Variants in TMC5 observed in about 807,000 individuals in gnomAD.
The protein encoded by TMC5 is transmembrane channel-like protein 5.
Under a neutral mutation model 110.5 loss-of-function variants are expected in TMC5, and 86 were observed. The ratio of observed to expected loss-of-function variants is 0.78; its 90% CI spans 0.65 to 0.93. The LOEUF (loss-of-function observed/expected upper bound fraction) is 0.93. Among genes scored for constraint, TMC5 ranks in the 40% least tolerant of loss-of-function variants. The pLI, the probability that TMC5 is intolerant of heterozygous loss-of-function variation, is 0.00. For synonymous variants in TMC5, 455 were observed against 439.5 expected, an observed-to-expected ratio of 1.04 and a Z score of -0.44; for missense variants, 1,144 against 1,222.8, an observed-to-expected ratio of 0.94 and a Z score of 0.96.
At chr16:19,421,629 G>T (rs1255868975) in intron 1 of TMC5, among the ~76,000 whole-genome samples, 3 of 152,266 alleles carry the variant, frequency 2.0e-5, no homozygotes, top group South Asian at 4.2e-4. Context: ...CTTTAAATTT[G>T]CACCTCAGCT....
At position 19,474,203 on chromosome 16, in the gene TMC5, T is replaced by C. The variant is rs775791900; in HGVS notation, c.2017T>C (p.Cys673Arg). ...VVSCINLAVP[C>R]IYSMFRLVER... ...GTCCTGCATTAATCTGGCCGTGCCA[T>C]GCATCTACTCCATGTTCAGGCTTGT... Residue 673 changes from cysteine (C) to arginine (R), a missense_variant, in exon 12 of 22, where the codon TGC becomes CGC. Coordinates refer to ENST00000542583, the MANE Select transcript of TMC5 (RefSeq NM_001261841.2). 5 of 1,614,108 alleles carry C rather than the reference T, an allele frequency of 3.1e-6. No homozygotes were observed. The highest frequency in any genetic ancestry group is 3.4e-6 in the Non-Finnish European group (4 of 1,180,016).
At chr16:19,437,536 T>C (rs1277923336) in intron 2 of TMC5, among the ~76,000 whole-genome samples, 2 of 152,228 alleles carry the variant, frequency 1.3e-5, no homozygotes, top group Non-Finnish European at 1.5e-5. Context: ...TGGCAGAAAG[T>C]TAATATTATC....
In TMC5 at chr16:19,419,416, T is replaced by G. The variant is rs937044685; in HGVS notation, c.-308+1324T>G. Among the ~76,000 whole-genome samples the G allele has an allele frequency of 2.0e-4, 27 of 132,346 alleles. 1 individual carries two copies. Among genetic ancestry groups the G allele is most frequent in the Non-Finnish European group, 4.0e-4 (25 of 61,768 alleles). The allele number at this position is 132,346 out of a possible 152,430, so 86.8% of individuals were successfully genotyped here. On this transcript the variant is annotated intron_variant, in intron 1 of 21. Coordinates refer to ENST00000542583, the MANE Select transcript of TMC5 (RefSeq NM_001261841.2). ...TGAATGTGTTGGTTTTTTTTTTTTTTTTTTTTTTTTTTTTGAGACAGTGTC... is the reference window on the plus strand; with the variant it reads ...TGAATGTGTTGGTTTTTTTTTTTTTGTTTTTTTTTTTTTTGAGACAGTGTC...
chr16:19,456,128 A>C (rs1396663510), intron 5 of TMC5, among the ~76,000 whole-genome samples: 1 of 151,882 alleles, frequency 6.6e-6, no homozygotes, highest in Non-Finnish European at 1.5e-5. Flanking sequence ...AATGGCGTGA[A>C]CCTGGGAGGT....
chr16:19,424,738 G>T (rs1315631794), intron 1 of TMC5, among the ~76,000 whole-genome samples: 2 of 152,230 alleles, frequency 1.3e-5, no homozygotes, highest in African/African-American at 2.4e-5. Flanking sequence ...AAGTTCAGGA[G>T]CTTCTGTCCC....
In TMC5 at chr16:19,487,315, C is replaced by A; in HGVS notation, c.2562C>A (p.Ile854=). 2 of 1,613,526 alleles carry A rather than the reference C, an allele frequency of 1.2e-6. No individual in the cohort carries two copies. Among genetic ancestry groups the A allele is most frequent in the Non-Finnish European group, 1.7e-6 (2 of 1,179,750 alleles). ...SFTGVLCTLA[I]TIWRLKPSAD... is the part of the protein sequence containing the mutation. Reference sequence around the variant, plus strand: ...CCGGGGTCTTGTGCACCCTGGCCATCACCATCTGGAGGTAGGAGAAGGTGG... The same window carrying A: ...CCGGGGTCTTGTGCACCCTGGCCATAACCATCTGGAGGTAGGAGAAGGTGG... Residue 854 remains isoleucine, a synonymous_variant, in exon 17 of 22, where the codon ATC becomes ATA. Coordinates refer to ENST00000542583, the MANE Select transcript of TMC5 (RefSeq NM_001261841.2).
chr16:19,475,802 CTTTTT>C (rs1032784346), intron 12 of TMC5, among the ~76,000 whole-genome samples: 1 of 127,356 alleles, frequency 7.9e-6, no homozygotes, highest in Non-Finnish European at 1.7e-5. Context: ...AATTTTCTTT[CTTTTT>C]TTTTTTTTTT....
chr16:19,419,975 T>C (rs1398844226), intron 1 of TMC5, among the ~76,000 whole-genome samples: 1 of 152,210 alleles, frequency 6.6e-6, no homozygotes, highest in African/African-American at 2.4e-5. Flanking sequence ...TGGTCATTTC[T>C]GCGAAGGCAT....
At chr16:19,425,313 G>A (rs745933059) in intron 1 of TMC5, among the ~76,000 whole-genome samples, 34 of 147,972 alleles carry the variant, frequency 2.3e-4, no homozygotes, top group Non-Finnish European at 4.3e-4. Context: ...ATTGGTCCAG[G>A]TGAGTTGAGT....
At chr16:19,487,048 C>A (rs1968761518) in intron 16 of TMC5, 28 bp downstream of exon 16, 2 of 1,612,218 alleles carry the variant, frequency 1.2e-6, no homozygotes, top group Non-Finnish European at 1.7e-6. Flanking sequence ...TGCCATCAAT[C>A]AGCTTTGTTC....
intron 13 of TMC5, 28 bp downstream of exon 13, chr16:19,477,546 G>A: frequency 6.5e-7 from 1 of 1,543,668 alleles, no homozygotes; most frequent in Non-Finnish European, 8.8e-7. Flanking sequence ...TCTGCCTTAA[G>A]TTTGGTTTCT....
At chr16:19,470,534 C>T (rs1045136586) in intron 10 of TMC5, among the ~76,000 whole-genome samples, 1 of 151,886 alleles carries the variant, frequency 6.6e-6, no homozygotes, top group African/African-American at 2.4e-5. Context: ...ATTTGACAAC[C>T]TCTAGAGACT....
At chr16:19,493,463 C>G (rs2856607) in intron 19 of TMC5, among the ~76,000 whole-genome samples, 1 of 58,018 alleles carries the variant, frequency 1.7e-5, no homozygotes, top group African/African-American at 5.3e-5. Flanking sequence ...CTCTCTCTCT[C>G]TCTTTTTTTT....
At chr16:19,463,165 C>A in intron 6 of TMC5, 115 bp from the exon 7 acceptor site, 1 of 772,518 alleles carries the variant, frequency 1.3e-6, no homozygotes, top group Non-Finnish European at 2.2e-6. Context: ...CAGTGATCCT[C>A]TTGCCTCAGC....
chr16:19,477,410 G>C, intron 12 of TMC5, 30 bp from the exon 13 acceptor site: 2 of 1,494,340 alleles, frequency 1.3e-6, no homozygotes, highest in Non-Finnish European at 1.9e-6. Context: ...GCCATTGAAG[G>C]TAATCATAAA....
chr16:19,462,624 G>A, intron 6 of TMC5: 1 of 671,632 alleles, frequency 1.5e-6, no homozygotes, highest in Non-Finnish European at 2.7e-6. Flanking sequence ...GATCGGCTGG[G>A]TGTGGTGGCT....
intron 14 of TMC5, 91 bp downstream of exon 14, chr16:19,479,619 A>C: frequency 1.1e-6 from 1 of 878,374 alleles, no homozygotes; most frequent in Non-Finnish European, 1.9e-6. Context: ...TGCCTGACAT[A>C]CTCAAAGCGT....
At chr16:19,476,451 C>T (rs752514903) in intron 12 of TMC5, among the ~76,000 whole-genome samples, 1 of 152,124 alleles carries the variant, frequency 6.6e-6, no homozygotes, top group South Asian at 2.1e-4. Context: ...ATCCATGGTG[C>T]CACTTTTAAA....
At chr16:19,464,142 A>T in intron 8 of TMC5, 118 bp downstream of exon 8, 1 of 1,212,822 alleles carries the variant, frequency 8.2e-7, no homozygotes, top group Non-Finnish European at 1.1e-6. Flanking sequence ...TGATGGGGAA[A>T]GTGGATGTTT....
Sources: allele counts gnomAD v4.1 joint callset (sites outside exome capture counted in the v4.1 genomes callset), GRCh38; gene constraint gnomAD v4.1.1; transcripts MANE v1.5; gene names NCBI Gene and HGNC (gene_info 2026-07-23, HGNC 2026-07-21).